CDH1: variants seen among roughly 807,000 people sequenced by gnomAD.
CDH1 encodes the protein cadherin 1, also known as cadherin-1.
A neutral mutation model predicts 84.5 loss-of-function variants in CDH1; 35 were observed. The ratio of observed to expected loss-of-function variants is 0.41; its 90% CI spans 0.32 to 0.55. The LOEUF (loss-of-function observed/expected upper bound fraction) is 0.55. CDH1 is among the 20% of genes least tolerant of loss of function. The pLI, the probability that CDH1 is intolerant of heterozygous loss-of-function variation, is 0.19. For missense variants in CDH1, 994 were observed against 1,126.6 expected, an observed-to-expected ratio of 0.88 and a Z score of 1.68; for synonymous variants, 417 against 439.0, an observed-to-expected ratio of 0.95 and a Z score of 0.63.
rs1597892398 is a variant in CDH1 at position 68,810,257 on chromosome 16, A to T, written c.748A>T (p.Ile250Phe). The T allele has an allele frequency of 6.2e-7, 1 of 1,614,138 alleles. No homozygotes were observed. ...NAVEDPMEILITVTDQNDNKP... is the reference protein window; with the variant it reads ...NAVEDPMEILFTVTDQNDNKP... ...AGTTGAGGATCCAATGGAGATTTTG[A>T]TCACGGTAACCGATCAGAATGACAA... The change falls in exon 6 of 16, where the codon ATC (isoleucine) becomes TTC (phenylalanine). Residue 250 changes from isoleucine to phenylalanine, a missense_variant. Around this residue, in one of 3 missense-constraint regions of CDH1, gnomAD observed 769 missense variants for 881.8 expected, o/e 0.87. Coordinates refer to ENST00000261769, the MANE Select transcript of CDH1 (RefSeq NM_004360.5).
At chr16:68,807,189 C>G (rs1960689159) in intron 3 of CDH1, among the ~76,000 whole-genome samples, 1 of 152,168 alleles carries the variant, frequency 6.6e-6, no homozygotes, top group Non-Finnish European at 1.5e-5. Flanking sequence ...CTGTTCAATA[C>G]AAGTCTCAAA....
intron 2 of CDH1, among the ~76,000 whole-genome samples, chr16:68,774,030 C>G (rs1477682556): frequency 6.6e-6 from 1 of 152,224 alleles, no homozygotes; most frequent in Admixed American, 6.5e-5. Flanking sequence ...ATCTTCCCAC[C>G]TCAGCCTCCC....
rs1567508708 is a variant in CDH1, at chr16:68,815,363, T to TA, written c.1321-152_1321-151insA. The TA allele has an allele frequency of 5.4e-5, 50 of 924,858 alleles. 1 individual carries two copies. The African/African-American group carries it at 6.7e-4, about 12-fold the overall frequency. 57.3% of individuals were successfully genotyped at this position (924,858 alleles called of 1,614,324 possible). A position where few individuals can be genotyped will look rare whatever the true frequency, so the allele number is the denominator to read the frequency against. The stretch of plus-strand genomic sequence containing the variant: ...TTTGAGAAGCCATGGTAAGTAATTG[T>TA]GGTTTCTGCCATTGAAAGTCATGGC... On this transcript the variant is annotated intron_variant, in intron 9 of 15. Coordinates refer to ENST00000261769, the MANE Select transcript of CDH1 (RefSeq NM_004360.5).
At chr16:68,738,256 C>A in intron 1 of CDH1, 41 bp from the exon 2 acceptor site, 1 of 1,332,022 alleles carries the variant, frequency 7.5e-7, no homozygotes, top group Non-Finnish European at 1.1e-6. Flanking sequence ...GGAGGGAACC[C>A]TCCGAGTCAC....
chr16:68,767,902 TG>T (rs1567485945), intron 2 of CDH1, among the ~76,000 whole-genome samples: 1 of 152,050 alleles, frequency 6.6e-6, no homozygotes. Flanking sequence ...CCAGACCAGC[TG>T]GGGCAACATA....
At chr16:68,758,530 G>C (rs1007997847) in intron 2 of CDH1, among the ~76,000 whole-genome samples, 26 of 151,954 alleles carry the variant, frequency 1.7e-4, no homozygotes, top group Non-Finnish European at 2.8e-4. Flanking sequence ...CGAGGCTGCA[G>C]TGCATGCTGA....
intron 2 of CDH1, among the ~76,000 whole-genome samples, chr16:68,783,608 C>G (rs957485491): frequency 6.6e-6 from 1 of 152,104 alleles, no homozygotes; most frequent in African/African-American, 2.4e-5. Flanking sequence ...TCTTTAAAGA[C>G]AGATTCTTCC....
intron 2 of CDH1, among the ~76,000 whole-genome samples, chr16:68,795,577 C>G (rs1161973780): frequency 6.6e-6 from 1 of 152,080 alleles, no homozygotes; most frequent in Non-Finnish European, 1.5e-5. Context: ...TCACTGCAAC[C>G]TCTGCCTCCT....
chr16:68,786,869 C>T (rs1960066549), intron 2 of CDH1, among the ~76,000 whole-genome samples: 1 of 152,160 alleles, frequency 6.6e-6, no homozygotes, highest in African/African-American at 2.4e-5. Flanking sequence ...TGGCTCCCAG[C>T]TGTTCTCTTG....
At chr16:68,757,978 T>A (rs1207662720) in intron 2 of CDH1, among the ~76,000 whole-genome samples, 1 of 148,368 alleles carries the variant, frequency 6.7e-6, no homozygotes, top group Non-Finnish European at 1.5e-5. Context: ...TTTTTTTTTT[T>A]TTTTTTTGTA....
At chr16:68,752,331 ACTGT>A (rs1455477616) in intron 2 of CDH1, among the ~76,000 whole-genome samples, 3 of 151,978 alleles carry the variant, frequency 2.0e-5, no homozygotes, top group Non-Finnish European at 4.4e-5. Context: ...AGTACTTTTC[ACTGT>A]CTAACATGCT....
intron 2 of CDH1, among the ~76,000 whole-genome samples, chr16:68,788,927 C>T (rs971443754): frequency 8.5e-5 from 13 of 152,094 alleles, no homozygotes; most frequent in African/African-American, 1.9e-4. Flanking sequence ...GTCACTTGAA[C>T]GCAGGAGGCG....
At position 68,808,525 on chromosome 16, in the gene CDH1, C is replaced by G. The variant is rs1064794230; in HGVS notation, c.489C>G (p.Cys163Trp). 6.2e-7 allele frequency: 1 copy of G among 1,614,086 alleles called. No homozygotes were observed. The highest frequency in any genetic ancestry group is 8.5e-7 in the Non-Finnish European group (1 of 1,180,006). Residue 163 changes from cysteine to tryptophan, a missense_variant, in exon 4 of 16, where the codon TGC becomes TGG. Physicochemically the swap from Cys to Trp is radical, Grantham distance 215. This residue lies in a region of CDH1 where 22 missense variants were observed against 50.8 expected (regional missense o/e 0.43). Coordinates refer to ENST00000261769, the MANE Select transcript of CDH1 (RefSeq NM_004360.5). ...KRDWVIPPISCPENEKGPFPK... is the reference protein window; with the variant it reads ...KRDWVIPPISWPENEKGPFPK... ...ACTGGGTTATTCCTCCCATCAGCTGCCCAGAAAATGAAAAAGGCCCATTTC... is the reference window on the plus strand; with the variant it reads ...ACTGGGTTATTCCTCCCATCAGCTGGCCAGAAAATGAAAAAGGCCCATTTC...
chr16:68,750,015 C>T (rs900647778), intron 2 of CDH1, among the ~76,000 whole-genome samples: 1 of 151,874 alleles, frequency 6.6e-6, no homozygotes, highest in African/African-American at 2.4e-5. Context: ...GCTGCCCAGG[C>T]TGGAGTGCAG....
At chr16:68,773,221 C>T (rs1045640176) in intron 2 of CDH1, among the ~76,000 whole-genome samples, 2 of 151,886 alleles carry the variant, frequency 1.3e-5, no homozygotes, top group Non-Finnish European at 1.5e-5. Flanking sequence ...CTTCTGCATT[C>T]ACCTAGTGTT....
At position 68,801,875 on chromosome 16, in the gene CDH1, C is replaced by T. The variant is rs778954591; in HGVS notation, c.369C>T (p.His123=). The change falls in exon 3 of 16, where the codon CAC becomes CAT. Residue 123 remains histidine, a synonymous_variant. Coordinates refer to ENST00000261769, the MANE Select transcript of CDH1 (RefSeq NM_004360.5). ...CGCTGAATACAGTGGGGCACCACCA[C>T]CGCCCCCCGCCCCATCAGGTATGTT... ...KVTLNTVGHH[H]RPPPHQASVS... is the part of the protein sequence containing the mutation. 1 of 1,613,680 alleles carries T rather than the reference C, an allele frequency of 6.2e-7. No individual in the cohort carries two copies. The highest frequency in any genetic ancestry group is 8.5e-7 in the Non-Finnish European group (1 of 1,179,566).
chr16:68,785,448 T>C (rs1441090230), intron 2 of CDH1, among the ~76,000 whole-genome samples: 1 of 152,240 alleles, frequency 6.6e-6, no homozygotes, highest in African/African-American at 2.4e-5. Flanking sequence ...CACCTCAGCT[T>C]CCCAAAGTGC....
chr16:68,823,457 C>T lies in CDH1; in HGVS notation c.1995C>T (p.Ile665=), dbSNP rs1201966657. The T allele has an allele frequency of 6.2e-7, 1 of 1,614,044 alleles. No homozygotes were observed. The highest frequency in any genetic ancestry group is 8.5e-7 in the Non-Finnish European group (1 of 1,179,986). The change falls in exon 13 of 16, where the codon ATC becomes ATT. Residue 665 remains isoleucine (I), a synonymous_variant. Transcript: ENST00000261769. ...KMALEVGDYK[I]NLKLMDNQNK... is the part of the protein sequence containing the mutation. The stretch of plus-strand genomic sequence containing the variant: ...CCTTAGAGGTGGGTGACTACAAAAT[C>T]AATCTCAAGCTCATGGATAACCAGA...
rs1962420966 is a variant in CDH1, at chr16:68,737,389, G to C, written c.-27G>C. 1 of 1,529,430 alleles carries C rather than the reference G, an allele frequency of 6.5e-7. No individual in the cohort carries two copies. Among genetic ancestry groups the C allele is most frequent in the Non-Finnish European group, 8.7e-7 (1 of 1,144,124 alleles). 94.7% of individuals were successfully genotyped at this position (1,529,430 alleles called of 1,614,324 possible). On this transcript the variant is annotated 5_prime_UTR_variant, in exon 1 of 16. Coordinates refer to ENST00000261769, the MANE Select transcript of CDH1 (RefSeq NM_004360.5). Reference sequence around the variant, plus strand: ...CCCGACCCGACCGCACCCGGCGCCTGCCCTCGCTCGGCGTCCCCGGCCAGC... The same window carrying C: ...CCCGACCCGACCGCACCCGGCGCCTCCCCTCGCTCGGCGTCCCCGGCCAGC...
Sources: gnomAD v4.1 joint callset for allele counts (sites outside exome capture counted in the v4.1 genomes callset) on GRCh38, gnomAD v4.1.1 for gene constraint, gnomAD v4.1.1 regional missense constraint, MANE v1.5 for transcripts, NCBI Gene and HGNC (gene_info 2026-07-23, HGNC 2026-07-21) for gene names.